ZFPM2: variants seen among roughly 807,000 people sequenced by gnomAD.
The protein encoded by ZFPM2 is zinc finger protein ZFPM2.
In ZFPM2, 20 loss-of-function variants were observed where a neutral mutation model predicts 98.6. The ratio of observed to expected loss-of-function variants is 0.20; its 90% CI spans 0.14 to 0.29. ZFPM2 has a LOEUF of 0.29. ZFPM2 is among the 10% of genes least tolerant of loss of function. ZFPM2 has a pLI of 1.00. For missense variants in ZFPM2, 1,310 were observed against 1,388.6 expected (o/e 0.94, Z 0.90); for synonymous variants, 518 against 502.7 (o/e 1.03, Z -0.41).
intron 1 of ZFPM2, among the ~76,000 whole-genome samples, chr8:105,362,324 C>A (rs1586317392): frequency 6.6e-6 from 1 of 152,044 alleles, no homozygotes; most frequent in Middle Eastern, 3.4e-3. Flanking sequence ...AATAACTATA[C>A]TGGATCAGGG....
Position 105,644,719 on chromosome 8 carries a change from C to T in ZFPM2, c.532+10362C>T, listed in dbSNP as rs946393111. ...TGATTAGGATGCTGGCAGTTTCACA[C>T]TTGGTGAGAGCTCTCTTCTGGGTTT... On this transcript the variant is annotated intron_variant, in intron 5 of 7. Transcript: ENST00000407775. Among the ~76,000 whole-genome samples, 43 of 152,282 alleles carry T rather than the reference C, an allele frequency of 2.8e-4. No homozygotes were observed. In the East Asian group the frequency reaches 5.0e-3, roughly 18 times the overall value.
chr8:105,757,112 G>T (rs547688547), intron 5 of ZFPM2, among the ~76,000 whole-genome samples: 9 of 152,266 alleles, frequency 5.9e-5, no homozygotes, highest in African/African-American at 1.9e-4. Context: ...TAAAATGAAA[G>T]CTGTGGGGAA....
At chr8:105,708,342 C>A (rs1811308794) in intron 5 of ZFPM2, among the ~76,000 whole-genome samples, 1 of 151,868 alleles carries the variant, frequency 6.6e-6, no homozygotes, top group South Asian at 2.1e-4. Flanking sequence ...GTTGTTTTAC[C>A]ACTTAAAAAC....
chr8:105,488,507 A>G (rs1813282958), intron 3 of ZFPM2, among the ~76,000 whole-genome samples: 1 of 152,122 alleles, frequency 6.6e-6, no homozygotes, highest in Non-Finnish European at 1.5e-5. Context: ...TACACCTGTA[A>G]TCCCAGCACT....
intron 4 of ZFPM2, among the ~76,000 whole-genome samples, chr8:105,587,519 A>C (rs2130756864): frequency 6.6e-6 from 1 of 152,274 alleles, no homozygotes; most frequent in African/African-American, 2.4e-5. Flanking sequence ...AAACCAAAGG[A>C]AAAAATATGT....
intron 5 of ZFPM2, chr8:105,780,127 A>G (rs1813206354): frequency 6.6e-6 from 1 of 152,150 alleles, no homozygotes; most frequent in Non-Finnish European, 1.5e-5. Context: ...TTTGTCCTTT[A>G]TTTGTGAAGG....
chr8:105,709,098 G>A (rs1201042069), intron 5 of ZFPM2, among the ~76,000 whole-genome samples: 1 of 152,106 alleles, frequency 6.6e-6, no homozygotes, highest in Non-Finnish European at 1.5e-5. Flanking sequence ...TGAACAAGAT[G>A]GGCTCTCTGA....
chr8:105,682,971 T>C (rs1226526675), intron 5 of ZFPM2, among the ~76,000 whole-genome samples: 2 of 152,102 alleles, frequency 1.3e-5, no homozygotes, highest in African/African-American at 4.8e-5. Flanking sequence ...CTTACAGTTC[T>C]GGAGGCTGGG....
intron 5 of ZFPM2, among the ~76,000 whole-genome samples, chr8:105,707,052 G>A (rs957840844): frequency 1.6e-4 from 25 of 151,930 alleles, no homozygotes; most frequent in Non-Finnish European, 5.9e-5. Context: ...AACAGCCTGG[G>A]CAACATAAGG....
chr8:105,500,738 A>AAAAAACCC (rs1204051691), intron 3 of ZFPM2, among the ~76,000 whole-genome samples: 1 of 152,116 alleles, frequency 6.6e-6, no homozygotes, highest in Non-Finnish European at 1.5e-5. Flanking sequence ...TTTTGTCTTA[A>AAAAAACCC]AAAAACCCAT....
At chr8:105,790,620 A>G (rs952702508) in intron 6 of ZFPM2, among the ~76,000 whole-genome samples, 1 of 152,060 alleles carries the variant, frequency 6.6e-6, no homozygotes, top group Non-Finnish European at 1.5e-5. Context: ...GTTTTTTCCA[A>G]TTCTGTGAAG....
chr8:105,704,582 A>C (rs975236655), intron 5 of ZFPM2, among the ~76,000 whole-genome samples: 2 of 152,212 alleles, frequency 1.3e-5, no homozygotes, highest in African/African-American at 4.8e-5. Context: ...GGGCGATTCA[A>C]GCTAGCCAAG....
At position 105,802,967 on chromosome 8, in the gene ZFPM2, T is replaced by C. The variant is rs780306726; in HGVS notation, c.2885T>C (p.Phe962Ser). 1.2e-6 allele frequency: 2 copies of C among 1,612,792 alleles called. No individual in the cohort carries two copies. Among genetic ancestry groups the C allele is most frequent in the East Asian group, 4.5e-5 (2 of 44,820 alleles). ...ACAAAAGAAGAAAACAGACATTTGT[T>C]TCTTCCACAATGCCTTTACCCTGGA... ...IATKEENRHL[F>S]LPQCLYPGAI... The change falls in exon 8 of 8, where the codon TTT (phenylalanine) becomes TCT (serine). Residue 962 changes from phenylalanine (F) to serine (S), a missense_variant. Phe to Ser is a radical substitution (Grantham distance 155, BLOSUM62 -2). Coordinates refer to ENST00000407775, the MANE Select transcript of ZFPM2 (RefSeq NM_012082.4).
At chr8:105,435,716 G>A (rs1282255793) in intron 2 of ZFPM2, among the ~76,000 whole-genome samples, 1 of 152,040 alleles carries the variant, frequency 6.6e-6, no homozygotes, top group Non-Finnish European at 1.5e-5. Context: ...CTAGGAAGAA[G>A]CTTGGGTTAA....
chr8:105,685,713 G>C (rs1374716037), intron 5 of ZFPM2: 4 of 152,074 alleles, frequency 2.6e-5, no homozygotes, highest in Admixed American at 2.6e-4. Context: ...AGTTGATATA[G>C]AGTGTAACTC....
chr8:105,664,047 A>G (rs1409004472), intron 5 of ZFPM2, among the ~76,000 whole-genome samples: 2 of 152,226 alleles, frequency 1.3e-5, no homozygotes, highest in Non-Finnish European at 2.9e-5. Flanking sequence ...AATGGAAAAG[A>G]GGAGTATTTT....
chr8:105,720,081 A>T (rs1811621795), intron 5 of ZFPM2, among the ~76,000 whole-genome samples: 1 of 151,962 alleles, frequency 6.6e-6, no homozygotes, highest in Non-Finnish European at 1.5e-5. Flanking sequence ...CAAAGTATAC[A>T]TTAATTTTAA....
chr8:105,747,361 T>C (rs1812372381), intron 5 of ZFPM2, among the ~76,000 whole-genome samples: 1 of 152,100 alleles, frequency 6.6e-6, no homozygotes, highest in Non-Finnish European at 1.5e-5. Context: ...GGTCCTCTTT[T>C]GTAAGACCTG....
In ZFPM2 at chr8:105,318,869, G is replaced by GGCGGGAGCCGCGGGAGCC. The variant is rs1811961160; in HGVS notation, c.-63_-62insCGGGAGCCGCGGGAGCCG. 2 of 1,008,788 alleles carry GGCGGGAGCCGCGGGAGCC rather than the reference G, an allele frequency of 2.0e-6. No homozygotes were observed. Among genetic ancestry groups the GGCGGGAGCCGCGGGAGCC allele is most frequent in the Admixed American group, 4.9e-5 (1 of 20,212 alleles). The allele number at this position is 1,008,788 out of a possible 1,614,324, so 62.5% of individuals were successfully genotyped here. A position where few individuals can be genotyped will look rare whatever the true frequency, so the allele number is the denominator to read the frequency against. ...CAGCGGCGGCGGCGGCGGCGGCGGC[G>GGCGGGAGCCGCGGGAGCC]GCGGGAGCCGAGGGAGCGGCAGCCG... On this transcript the variant is annotated 5_prime_UTR_variant, in exon 1 of 8. Coordinates refer to ENST00000407775, the MANE Select transcript of ZFPM2 (RefSeq NM_012082.4).
Sources: gnomAD v4.1 joint callset for allele counts (sites outside exome capture counted in the v4.1 genomes callset) on GRCh38, gnomAD v4.1.1 for gene constraint, MANE v1.5 for transcripts, NCBI Gene and HGNC (gene_info 2026-07-23, HGNC 2026-07-21) for gene names.